KDM2A: variants seen among roughly 807,000 people sequenced by gnomAD.
The protein encoded by KDM2A is lysine demethylase 2A.
A neutral mutation model predicts 137.3 loss-of-function variants in KDM2A; 3 were observed. That is an observed-to-expected ratio of 0.02 (90% CI 0.01 to 0.06). The LOEUF (loss-of-function observed/expected upper bound fraction) is 0.06, where lower values mean the gene tolerates loss of function less well. Among genes scored for constraint, KDM2A ranks in the 10% least tolerant of loss-of-function variants. KDM2A has a pLI of 1.00. For synonymous variants in KDM2A, 512 were observed against 541.5 expected (o/e 0.95, Z 0.76); for missense variants, 738 against 1,510.6 (o/e 0.49, Z 8.48).
chr11:67,145,829 ACT>A (rs1483660497), intron 2 of KDM2A, among the ~76,000 whole-genome samples: 3 of 144,774 alleles, frequency 2.1e-5, no homozygotes, highest in East Asian at 4.0e-4. Context: ...TTCCTCTCTA[ACT>A]CTGCCTTTCA....
chr11:67,214,465 A>C (rs1858098909), intron 6 of KDM2A, among the ~76,000 whole-genome samples: 2 of 152,038 alleles, frequency 1.3e-5, no homozygotes, highest in African/African-American at 4.8e-5. Context: ...CGGCCTCCCA[A>C]AGTGCTGGGA....
chr11:67,134,222 A>G (rs1855922958), intron 2 of KDM2A, among the ~76,000 whole-genome samples: 1 of 152,226 alleles, frequency 6.6e-6, no homozygotes, highest in South Asian at 2.1e-4. Flanking sequence ...CAGATTCTCA[A>G]CTGGGGATGA....
intron 2 of KDM2A, among the ~76,000 whole-genome samples, chr11:67,166,480 CT>C (rs1455640711): frequency 6.6e-6 from 1 of 151,964 alleles, no homozygotes; most frequent in Non-Finnish European, 1.5e-5. Context: ...GCCACGGTGC[CT>C]GGCTGAGAAA....
At chr11:67,186,962 C>A (rs1295266131) in intron 5 of KDM2A, among the ~76,000 whole-genome samples, 1 of 152,050 alleles carries the variant, frequency 6.6e-6, no homozygotes, top group Non-Finnish European at 1.5e-5. Flanking sequence ...AAGCTAATAA[C>A]TAATAGGGGC....
At position 67,181,831 on chromosome 11, in the gene KDM2A, G is replaced by T. The variant is rs367881055; in HGVS notation, c.261-15G>T. 1.1e-5 allele frequency: 17 copies of T among 1,612,170 alleles called. No homozygotes were observed. The African/African-American group carries it at 2.1e-4, about 20-fold the overall frequency. ...TTGTGTTTTCCATATATACTTACTG[G>T]TGTTTGTTTCATAGAATGCCGGATC... On this transcript the variant is annotated splice_polypyrimidine_tract_variant and intron_variant, in intron 4 of 20. Transcript: ENST00000529006.
intron 2 of KDM2A, among the ~76,000 whole-genome samples, chr11:67,141,434 A>G (rs1177535750): frequency 6.6e-6 from 1 of 151,802 alleles, no homozygotes; most frequent in Non-Finnish European, 1.5e-5. Flanking sequence ...TGGGAGGCCA[A>G]GGCGGGCGGA....
Position 67,254,226 on chromosome 11 carries a change from C to T in KDM2A, c.3115C>T (p.Arg1039Trp), listed in dbSNP as rs1461569433. Residue 1039 changes from arginine to tryptophan, a missense_variant, in exon 20 of 21, where the codon CGG becomes TGG. Around this residue, in one of 9 missense-constraint regions of KDM2A, gnomAD observed 166 missense variants for 324.0 expected, o/e 0.51. Coordinates refer to ENST00000529006, the MANE Select transcript of KDM2A (RefSeq NM_012308.3). The surrounding 1 kb of genome is among the most constrained non-coding windows in gnomAD (Gnocchi z 4.7). The stretch of plus-strand genomic sequence containing the variant: ...AGGTCAGGACAATCGCAGCAAGCTC[C>T]GGAACATGACCGACTTCCGGCTGGC... ...KPGQDNRSKL[R>W]NMTDFRLAGL... 1.9e-6 allele frequency: 3 copies of T among 1,613,844 alleles called. No individual in the cohort carries two copies. The highest frequency in any genetic ancestry group is 2.7e-5 in the African/African-American group (2 of 74,926).
chr11:67,201,216 ATATGTG>A (rs1444108209), intron 5 of KDM2A, among the ~76,000 whole-genome samples: 3 of 19,716 alleles, frequency 1.5e-4, no homozygotes, highest in African/African-American at 3.3e-4. Context: ...ATATATATAT[ATATGTG>A]TGTGTGTGTG....
chr11:67,188,867 T>C (rs909612390), intron 5 of KDM2A, among the ~76,000 whole-genome samples: 5 of 149,816 alleles, frequency 3.3e-5, no homozygotes, highest in African/African-American at 7.4e-5. Context: ...CAAGAAGATA[T>C]AACAATTACA....
At chr11:67,128,440 T>A (rs918742975) in intron 2 of KDM2A, among the ~76,000 whole-genome samples, 5 of 152,174 alleles carry the variant, frequency 3.3e-5, no homozygotes, top group Non-Finnish European at 7.3e-5. Context: ...ATATGTGGTC[T>A]ACATTGTTGA....
Position 67,245,133 on chromosome 11 carries a change from C to G in KDM2A, c.1564-56C>G. ...GGTATGCTACCATGTAATCTTCTAC[C>G]CTATCCAGTCTTAAAGCAACCTGAT... On this transcript the variant is annotated intron_variant, in intron 13 of 20. Coordinates refer to ENST00000529006, the MANE Select transcript of KDM2A (RefSeq NM_012308.3). This position sits in a 1 kb window ranked among gnomAD's most constrained non-coding sequence, Gnocchi z 4.1. 6.3e-7 allele frequency: 1 copy of G among 1,582,594 alleles called. No individual in the cohort carries two copies. The highest frequency in any genetic ancestry group is 8.6e-7 in the Non-Finnish European group (1 of 1,163,162).
chr11:67,173,453 T>C (rs929449195), intron 2 of KDM2A, among the ~76,000 whole-genome samples: 5 of 152,102 alleles, frequency 3.3e-5, no homozygotes, highest in Non-Finnish European at 7.4e-5. Context: ...AGAAGGGGTT[T>C]TGCAATATTG....
At chr11:67,218,188 T>TA (rs1858228946) in intron 9 of KDM2A, among the ~76,000 whole-genome samples, 1 of 152,228 alleles carries the variant, frequency 6.6e-6, no homozygotes, top group African/African-American at 2.4e-5. Flanking sequence ...CTGCAGGTGA[T>TA]ACACAATCTA....
chr11:67,129,642 G>T, intron 2 of KDM2A, among the ~76,000 whole-genome samples: 1 of 151,494 alleles, frequency 6.6e-6, no homozygotes, highest in Non-Finnish European at 1.5e-5. Flanking sequence ...GCTGAGGCAG[G>T]AGAATGGTGT....
intron 9 of KDM2A, among the ~76,000 whole-genome samples, chr11:67,218,697 C>A (rs186276027): frequency 2.3e-3 from 357 of 152,230 alleles, no homozygotes; most frequent in Non-Finnish European, 3.8e-3. Flanking sequence ...CTCCACCTCC[C>A]AGGTCCCAGT....
intron 2 of KDM2A, among the ~76,000 whole-genome samples, chr11:67,122,790 C>T (rs1179999771): frequency 6.6e-6 from 1 of 151,926 alleles, no homozygotes; most frequent in African/African-American, 2.4e-5. Context: ...ATTCTCCTGC[C>T]TCAGCCTCCC....
intron 2 of KDM2A, among the ~76,000 whole-genome samples, chr11:67,154,379 A>G (rs1436972815): frequency 6.6e-6 from 1 of 152,204 alleles, no homozygotes; most frequent in African/African-American, 2.4e-5. Context: ...TTTTGCAATC[A>G]TCACCTCTGG....
chr11:67,141,681 AAATATATAT>A (rs1856103668), intron 2 of KDM2A, among the ~76,000 whole-genome samples: 1 of 75,268 alleles, frequency 1.3e-5, no homozygotes, highest in South Asian at 5.0e-4. Context: ...AAAAAAAAAA[AAATATATAT>A]ATATATATAT....
At chr11:67,184,400 C>T (rs773535691) in intron 5 of KDM2A, among the ~76,000 whole-genome samples, 5 of 152,144 alleles carry the variant, frequency 3.3e-5, no homozygotes, top group East Asian at 1.9e-4. Context: ...GAGGCCGAGG[C>T]GGGCATATCA....
Sources: gnomAD v4.1 joint callset for allele counts (sites outside exome capture counted in the v4.1 genomes callset) on GRCh38, gnomAD v4.1.1 for gene constraint, gnomAD v4.1.1 regional missense constraint, Gnocchi (gnomAD v3.1) non-coding constraint, MANE v1.5 for transcripts, NCBI Gene and HGNC (gene_info 2026-07-23, HGNC 2026-07-21) for gene names.